ZBTB49: variants seen among roughly 807,000 people sequenced by gnomAD.
The protein encoded by ZBTB49 is zinc finger and BTB domain containing 49.
In ZBTB49, 43 loss-of-function variants were observed where a neutral mutation model predicts 57.5. The ratio of observed to expected loss-of-function variants is 0.75; its 90% CI spans 0.59 to 0.97. The LOEUF is 0.97. Among genes scored for constraint, ZBTB49 ranks in the 50% least tolerant of loss-of-function variants. ZBTB49 has a pLI of 0.00. For missense variants in ZBTB49, 938 were observed against 947.7 expected, an observed-to-expected ratio of 0.99 and a Z score of 0.13; for synonymous variants, 369 against 362.1, an observed-to-expected ratio of 1.02 and a Z score of -0.22.
chr4:4,301,209 A>T (rs1173009333), intron 2 of ZBTB49, among the ~76,000 whole-genome samples: 1 of 152,226 alleles, frequency 6.6e-6, no homozygotes, highest in African/African-American at 2.4e-5. Context: ...ATTGTATTTG[A>T]CAAAATGTCT....
intron 3 of ZBTB49, among the ~76,000 whole-genome samples, chr4:4,304,271 A>G (rs2980173): frequency 0.84 from 126,978 of 150,632 alleles, 53,594 homozygotes; most frequent in African/African-American, 0.85. Flanking sequence ...TGTTGCCCAG[A>G]CTGGAGTGCA....
intron 4 of ZBTB49, among the ~76,000 whole-genome samples, chr4:4,307,789 T>G (rs1268555310): frequency 6.6e-6 from 1 of 152,160 alleles, no homozygotes; most frequent in African/African-American, 2.4e-5. Flanking sequence ...TGGGCCTCAT[T>G]TTTCTAATTC....
intron 4 of ZBTB49, among the ~76,000 whole-genome samples, chr4:4,308,071 G>A (rs940788493): frequency 3.3e-5 from 5 of 152,038 alleles, no homozygotes; most frequent in African/African-American, 1.2e-4. Context: ...AGGTATTGAT[G>A]TTTTATTTAT....
intron 1 of ZBTB49, among the ~76,000 whole-genome samples, chr4:4,296,139 C>G (rs1720189041): frequency 6.6e-6 from 1 of 152,156 alleles, no homozygotes; most frequent in South Asian, 2.1e-4. Flanking sequence ...GGAAGAGAAC[C>G]AGAAGAGTTC....
At chr4:4,296,377 C>T (rs912237264) in intron 1 of ZBTB49, among the ~76,000 whole-genome samples, 4 of 152,194 alleles carry the variant, frequency 2.6e-5, no homozygotes, top group Non-Finnish European at 4.4e-5. Context: ...ATGGGAGGAA[C>T]CTGGTGGGAG....
chr4:4,321,382 A>G lies in ZBTB49; in HGVS notation c.*66A>G, dbSNP rs114920679. The G allele has an allele frequency of 7.5e-4, 1,152 of 1,535,254 alleles. 5 individuals carry two copies. The African/African-American group carries it at 0.013, about 18-fold the overall frequency. Reference sequence around the variant, plus strand: ...AGCAGGCTGGTGTTAAGGCTGTAGGAGGACCCAGTTTCCCCATGACAGTGC... The same window carrying G: ...AGCAGGCTGGTGTTAAGGCTGTAGGGGGACCCAGTTTCCCCATGACAGTGC... On this transcript the variant is annotated 3_prime_UTR_variant, in exon 8 of 8. Coordinates refer to ENST00000337872, the MANE Select transcript of ZBTB49 (RefSeq NM_145291.4).
At chr4:4,314,964 C>T (rs539472975) in intron 5 of ZBTB49, among the ~76,000 whole-genome samples, 19 of 152,336 alleles carry the variant, frequency 1.2e-4, no homozygotes, top group Middle Eastern at 3.4e-3. Flanking sequence ...TGCTGGTTCC[C>T]TTTCTTCCAT....
Position 4,313,741 on chromosome 4 carries a change from G to A in ZBTB49, c.1376+627G>A, listed in dbSNP as rs531819434. Among the ~76,000 whole-genome samples, 8 of 152,312 alleles carry A rather than the reference G, an allele frequency of 5.3e-5. No individual in the cohort carries two copies. The South Asian group carries it at 1.5e-3, about 28-fold the overall frequency. On this transcript the variant is annotated intron_variant, in intron 5 of 7. Coordinates refer to ENST00000337872, the MANE Select transcript of ZBTB49 (RefSeq NM_145291.4). ...GCTGGCACCCTCGACCCTCCTTCCT[G>A]TCCTTGGGCTGTACGTCAATCAGGC...
Position 4,299,913 on chromosome 4 carries a change from A to AT in ZBTB49, c.-19-8dup. The AT allele has an allele frequency of 3.1e-6, 5 of 1,609,984 alleles. No homozygotes were observed. Among genetic ancestry groups the AT allele is most frequent in the South Asian group, 1.1e-5 (1 of 90,900 alleles). On this transcript the variant is annotated splice_polypyrimidine_tract_variant and intron_variant, in intron 1 of 7. Transcript: ENST00000337872. The stretch of plus-strand genomic sequence containing the variant: ...CTTAAGAATATCTGTCGTATCTGTG[A>AT]TTTTTTGCTGTAGGTCACCTGAATG...
chr4:4,302,351 A>G lies in ZBTB49; in HGVS notation c.515A>G (p.Glu172Gly), dbSNP rs757711928. Reference protein sequence around the residue: ...ADAQQNKTLDESHPHASPSVN... With the variant: ...ADAQQNKTLDGSHPHASPSVN... ...GCACAGCAGAACAAAACGTTGGATG[A>G]ATCGCATCCGCATGCTTCACCATCA... The change falls in exon 3 of 8, where the codon GAA (glutamate) becomes GGA (glycine). Residue 172 changes from glutamate to glycine, a missense_variant. Coordinates refer to ENST00000337872, the MANE Select transcript of ZBTB49 (RefSeq NM_145291.4). The G allele has an allele frequency of 6.2e-7, 1 of 1,614,270 alleles. No individual in the cohort carries two copies. Among genetic ancestry groups the G allele is most frequent in the South Asian group, 1.1e-5 (1 of 91,090 alleles).
chr4:4,306,466 C>T (rs1720740561), intron 4 of ZBTB49, among the ~76,000 whole-genome samples: 1 of 152,188 alleles, frequency 6.6e-6, no homozygotes, highest in African/African-American at 2.4e-5. Flanking sequence ...GAATGAAGTT[C>T]ACAGTGAACC....
chr4:4,303,412 T>C (rs147686990), intron 3 of ZBTB49, among the ~76,000 whole-genome samples: 1 of 152,332 alleles, frequency 6.6e-6, no homozygotes, highest in East Asian at 1.9e-4. Flanking sequence ...TCAAATTAAT[T>C]CTAAAATGGA....
At chr4:4,315,523 T>A in intron 5 of ZBTB49, 113 bp from the exon 6 acceptor site, 1 of 1,010,466 alleles carries the variant, frequency 9.9e-7, no homozygotes, top group South Asian at 1.6e-5. Flanking sequence ...CAGTTCACGT[T>A]CCTTTCTGCA....
chr4:4,317,380 T>G (rs553638108), intron 7 of ZBTB49, among the ~76,000 whole-genome samples: 1 of 152,318 alleles, frequency 6.6e-6, no homozygotes, highest in Admixed American at 6.5e-5. Context: ...AGTGAACAAT[T>G]CATTGGTTTT....
chr4:4,294,881 G>A (rs1356163210), intron 1 of ZBTB49, among the ~76,000 whole-genome samples: 1 of 133,104 alleles, frequency 7.5e-6, no homozygotes, highest in Non-Finnish European at 1.7e-5. Context: ...TCGTGTGTGT[G>A]TGTGTGTGTG....
intron 3 of ZBTB49, 116 bp from the exon 4 acceptor site, chr4:4,306,022 T>C: frequency 1.3e-6 from 1 of 747,714 alleles, no homozygotes; most frequent in Non-Finnish European, 2.3e-6. Flanking sequence ...ATTTTCATAC[T>C]GTTAGGATGC....
At chr4:4,310,379 G>A (rs1577243303) in intron 4 of ZBTB49, among the ~76,000 whole-genome samples, 1 of 152,146 alleles carries the variant, frequency 6.6e-6, no homozygotes, top group African/African-American at 2.4e-5. Context: ...TGACTTCTCT[G>A]TAAAACATGG....
chr4:4,312,459 G>T (rs1204364576), intron 4 of ZBTB49, among the ~76,000 whole-genome samples: 1 of 152,146 alleles, frequency 6.6e-6, no homozygotes, highest in Non-Finnish European at 1.5e-5. Context: ...GAACACAATG[G>T]CCCTGCACCT....
intron 3 of ZBTB49, among the ~76,000 whole-genome samples, chr4:4,303,760 C>CTCTCTCTCTCTCTCTCTCTCTGTGTGTG (rs1223289249): frequency 4.1e-5 from 5 of 121,320 alleles, no homozygotes; most frequent in African/African-American, 1.7e-4. Flanking sequence ...CTCTCTCTCT[C>CTCTCTCTCTCTCTCTCTCTCTGTGTGTG]TGTGTGTGTG....
Sources: allele counts gnomAD v4.1 joint callset (sites outside exome capture counted in the v4.1 genomes callset), GRCh38; gene constraint gnomAD v4.1.1; transcripts MANE v1.5; gene names NCBI Gene and HGNC (gene_info 2026-07-23, HGNC 2026-07-21).